The following ETV1 variants were observed in gnomAD, a reference collection of about 807,000 sequenced individuals.
The protein encoded by ETV1 is ETS translocation variant 1.
Under a neutral mutation model 62.3 loss-of-function variants are expected in ETV1, and 27 were observed. The ratio of observed to expected loss-of-function variants is 0.43; its 90% CI spans 0.32 to 0.60. ETV1 has a LOEUF of 0.60. Ranked by LOEUF, ETV1 falls within the 20% of genes least tolerant of loss-of-function variation. The pLI is 0.06. For missense variants in ETV1, 605 were observed against 605.8 expected, an observed-to-expected ratio of 1.00 and a Z score of 0.01; for synonymous variants, 222 against 199.6, an observed-to-expected ratio of 1.11 and a Z score of -0.94.
At chr7:13,979,116 C>T (rs1282235407) in intron 5 of ETV1, among the ~76,000 whole-genome samples, 1 of 152,048 alleles carries the variant, frequency 6.6e-6, no homozygotes, top group Non-Finnish European at 1.5e-5. Context: ...AATCTTAATT[C>T]TGTGACATGC....
In ETV1 at chr7:13,983,710, A is replaced by G. The variant is rs1331930957; in HGVS notation, c.181+2928T>C. On this transcript the variant is annotated intron_variant, in intron 5 of 13. Coordinates refer to ENST00000430479, the MANE Select transcript of ETV1 (RefSeq NM_004956.5). ...GATAATTGTTTTAAACTGTGTTTAGATGTTAAAAAAAAAACCTTTAAATTG... is the reference window on the plus strand; with the variant it reads ...GATAATTGTTTTAAACTGTGTTTAGGTGTTAAAAAAAAAACCTTTAAATTG... Among the ~76,000 whole-genome samples, 7 of 103,054 alleles carry G rather than the reference A, an allele frequency of 6.8e-5. 1 individual carries two copies. The highest frequency in any genetic ancestry group is 5.4e-4 in the Admixed American group (5 of 9,302). The allele number at this position is 103,054 out of a possible 152,430, so 67.6% of individuals were successfully genotyped here. A position where few individuals can be genotyped will look rare whatever the true frequency, so the allele number is the denominator to read the frequency against.
intron 5 of ETV1, among the ~76,000 whole-genome samples, chr7:13,983,482 A>G (rs565641129): frequency 2.6e-5 from 4 of 152,092 alleles, no homozygotes; most frequent in Admixed American, 6.6e-5. Flanking sequence ...TCATTATTTC[A>G]TGGGATCAAA....
At chr7:13,951,332 A>C (rs1016393179) in intron 6 of ETV1, among the ~76,000 whole-genome samples, 1 of 152,222 alleles carries the variant, frequency 6.6e-6, no homozygotes, top group Non-Finnish European at 1.5e-5. Context: ...CAGGCACTTA[A>C]ATCTGCCTAG....
At chr7:13,966,717 T>C (rs1780329419) in intron 6 of ETV1, among the ~76,000 whole-genome samples, 1 of 152,146 alleles carries the variant, frequency 6.6e-6, no homozygotes, top group African/African-American at 2.4e-5. Flanking sequence ...TTCTTCAATA[T>C]GTAATAGATC....
intron 6 of ETV1, among the ~76,000 whole-genome samples, chr7:13,964,282 A>G (rs1182975170): frequency 6.6e-6 from 1 of 152,140 alleles, no homozygotes. Context: ...CTACCCATAC[A>G]TCTTTATAGG....
intron 9 of ETV1, among the ~76,000 whole-genome samples, chr7:13,926,672 A>G (rs1434864662): frequency 6.6e-6 from 1 of 152,200 alleles, no homozygotes; most frequent in Non-Finnish European, 1.5e-5. Context: ...AAAAATGTGT[A>G]CTGCTTTATG....
chr7:13,935,558 T>C (rs1350546311), intron 8 of ETV1, 150 bp downstream of exon 8: 2 of 605,804 alleles, frequency 3.3e-6, no homozygotes, highest in East Asian at 2.7e-5. Flanking sequence ...TAAGTATAGA[T>C]AGAGTGAGCT....
At chr7:13,933,299 T>C (rs995437170) in intron 8 of ETV1, among the ~76,000 whole-genome samples, 4 of 152,186 alleles carry the variant, frequency 2.6e-5, no homozygotes, top group African/African-American at 9.6e-5. Context: ...ACACGCATGC[T>C]TCTCAGGAAT....
chr7:13,977,393 GA>G, intron 6 of ETV1, 33 bp downstream of exon 6: 1 of 1,407,912 alleles, frequency 7.1e-7, no homozygotes, highest in Non-Finnish European at 9.7e-7. Context: ...CAGAAAGACA[GA>G]AAAATACAAG....
chr7:13,944,542 A>G (rs1464671827), intron 6 of ETV1, among the ~76,000 whole-genome samples: 1 of 148,968 alleles, frequency 6.7e-6, no homozygotes, highest in Non-Finnish European at 1.5e-5. Flanking sequence ...CAATATCCGA[A>G]TTTGCTGGGG....
chr7:13,915,458 T>C (rs949391720), intron 9 of ETV1, among the ~76,000 whole-genome samples: 4 of 152,232 alleles, frequency 2.6e-5, no homozygotes, highest in Non-Finnish European at 4.4e-5. Context: ...TCAAGAAAGA[T>C]GAGCATAGTG....
At chr7:13,948,888 T>A (rs62454585) in intron 6 of ETV1, among the ~76,000 whole-genome samples, 26,047 of 152,066 alleles carry the variant, frequency 0.17, 2,588 homozygotes, top group African/African-American at 0.28. Context: ...GTTTACTCTG[T>A]CTCTCAAAAC....
chr7:13,952,127 G>A (rs1788892373), intron 6 of ETV1, among the ~76,000 whole-genome samples: 1 of 152,162 alleles, frequency 6.6e-6, no homozygotes, highest in South Asian at 2.1e-4. Flanking sequence ...CGAAAGGTGT[G>A]GCCTGGAAGA....
chr7:13,979,939 T>C (rs1781823529), intron 5 of ETV1, among the ~76,000 whole-genome samples: 2 of 152,092 alleles, frequency 1.3e-5, no homozygotes, highest in Non-Finnish European at 2.9e-5. Flanking sequence ...TGCTGGAATA[T>C]GTGTGAGGAA....
At chr7:13,959,952 T>C (rs542286886) in intron 6 of ETV1, among the ~76,000 whole-genome samples, 1 of 135,366 alleles carries the variant, frequency 7.4e-6, no homozygotes, top group East Asian at 2.6e-4. Context: ...TTGGGAGCCA[T>C]ACATAGATTA....
chr7:13,957,048 C>T (rs559946356), intron 6 of ETV1, among the ~76,000 whole-genome samples: 4 of 152,076 alleles, frequency 2.6e-5, no homozygotes, highest in South Asian at 2.1e-4. Flanking sequence ...TTTACTGCTA[C>T]GTAAACCTAA....
chr7:13,919,614 A>G (rs1255058400), intron 9 of ETV1, among the ~76,000 whole-genome samples: 5 of 151,542 alleles, frequency 3.3e-5, no homozygotes, highest in Non-Finnish European at 7.4e-5. Context: ...AATAAGAACA[A>G]TAACCATCTA....
chr7:13,956,187 CACTTGTA>C (rs1789431351), intron 6 of ETV1, among the ~76,000 whole-genome samples: 2 of 152,134 alleles, frequency 1.3e-5, no homozygotes, highest in South Asian at 4.1e-4. Context: ...TAATTACATA[CACTTGTA>C]ACCTAAGAAA....
At chr7:13,953,589 C>A (rs1789068268) in intron 6 of ETV1, among the ~76,000 whole-genome samples, 1 of 151,886 alleles carries the variant, frequency 6.6e-6, no homozygotes, top group Non-Finnish European at 1.5e-5. Flanking sequence ...GCAGATGGGC[C>A]TGCAGAATGT....
Sources: gnomAD v4.1 joint callset for allele counts (sites outside exome capture counted in the v4.1 genomes callset) on GRCh38, gnomAD v4.1.1 for gene constraint, MANE v1.5 for transcripts, NCBI Gene and HGNC (gene_info 2026-07-23, HGNC 2026-07-21) for gene names.